DNAH8: variants seen among roughly 807,000 people sequenced by gnomAD.
DNAH8 encodes the protein axonemal beta dynein heavy chain 8.
Under a neutral mutation model 562.1 loss-of-function variants are expected in DNAH8, and 382 were observed. That is an observed-to-expected ratio of 0.68 (90% CI 0.63 to 0.74). The LOEUF is 0.74. DNAH8 is among the 30% of genes least tolerant of loss of function. The pLI, the probability that DNAH8 is intolerant of heterozygous loss-of-function variation, is 0.00. For synonymous variants in DNAH8, 1,881 were observed against 1,919.4 expected, an observed-to-expected ratio of 0.98 and a Z score of 0.52; for missense variants, 5,203 against 5,620.4, an observed-to-expected ratio of 0.93 and a Z score of 2.37.
chr6:38,766,135 T>TTGTGTGTGTGTGTGTGTGTG (rs774448668), intron 11 of DNAH8, among the ~76,000 whole-genome samples: 7,581 of 128,886 alleles, frequency 0.059, 273 homozygotes, highest in Admixed American at 0.14. Context: ...ATGTATGTGT[T>TTGTGTGTGTGTGTGTGTGTG]TGTATGTGTG....
rs765268910 is a variant in DNAH8, at chr6:38,853,326, C to T, written c.5712C>T (p.Phe1904=). Residue 1904 remains phenylalanine, a synonymous_variant, in exon 41 of 93, where the codon TTC becomes TTT. Coordinates refer to ENST00000327475, the MANE Select transcript of DNAH8 (RefSeq NM_001206927.2). ...ATTCAGGATTTCAACTCTTACCATTCCTCAGCCACTTTCCAGCACAGGTGA... is the reference window on the plus strand; with the variant it reads ...ATTCAGGATTTCAACTCTTACCATTTCTCAGCCACTTTCCAGCACAGGTGA... The part of the protein sequence containing the change: ...ISDSGFQLLP[F]LSHFPAQVGL... The T allele has an allele frequency of 6.8e-6, 11 of 1,613,236 alleles. No homozygotes were observed. Among genetic ancestry groups the T allele is most frequent in the Non-Finnish European group, 8.5e-6 (10 of 1,179,726 alleles).
intron 88 of DNAH8, among the ~76,000 whole-genome samples, chr6:39,008,282 G>A (rs946979193): frequency 6.6e-6 from 1 of 152,054 alleles, no homozygotes; most frequent in Non-Finnish European, 1.5e-5. Flanking sequence ...ATTTGAACAG[G>A]TGGAGCCGAT....
At chr6:38,961,013 A>G (rs1199113158) in intron 82 of DNAH8, among the ~76,000 whole-genome samples, 2 of 152,034 alleles carry the variant, frequency 1.3e-5, no homozygotes, top group African/African-American at 4.8e-5. Context: ...TAAAAAAAGA[A>G]TGGCATTATG....
chr6:38,932,217 C>CACACA (rs1554138852), intron 76 of DNAH8, among the ~76,000 whole-genome samples: 2 of 122,580 alleles, frequency 1.6e-5, no homozygotes, highest in Non-Finnish European at 3.4e-5. Context: ...CACACACACA[C>CACACA]CCGTCTCTTT....
At chr6:38,765,265 G>T (rs906085115) in intron 11 of DNAH8, among the ~76,000 whole-genome samples, 6 of 152,198 alleles carry the variant, frequency 3.9e-5, no homozygotes, top group African/African-American at 1.4e-4. Flanking sequence ...TCTAGAGGTT[G>T]TCTCTTCACT....
At chr6:38,782,687 A>G (rs764425112) in intron 16 of DNAH8, among the ~76,000 whole-genome samples, 2 of 152,210 alleles carry the variant, frequency 1.3e-5, no homozygotes, top group Non-Finnish European at 2.9e-5. Flanking sequence ...AGTCAATTAT[A>G]TCTTGTCCAG....
rs887681979 is a variant in DNAH8 at position 39,014,649 on chromosome 6, A to G, written c.13714+2012A>G. 5.9e-5 allele frequency among the ~76,000 whole-genome samples: 9 copies of G among 152,212 alleles called. No homozygotes were observed. In the South Asian group the frequency reaches 1.0e-3, roughly 18 times the overall value. On this transcript the variant is annotated intron_variant, in intron 91 of 92. Transcript: ENST00000327475. ...CTGCCAAGAGCTTCACACAGGAAGC[A>G]GTGAGTAGGGTTTGCAGAAGCAGGG...
intron 41 of DNAH8, 32 bp from the exon 42 acceptor site, chr6:38,857,486 C>A: frequency 6.7e-7 from 1 of 1,498,054 alleles, no homozygotes; most frequent in Non-Finnish European, 9.2e-7. Context: ...AAATATTTGG[C>A]AAATTTTAAT....
chr6:38,980,356 A>G (rs1763944366), intron 85 of DNAH8, among the ~76,000 whole-genome samples: 1 of 152,180 alleles, frequency 6.6e-6, no homozygotes, highest in African/African-American at 2.4e-5. Context: ...GAATGCTGGG[A>G]CTAGGAAGCA....
chr6:38,784,901 T>C (rs1768997435), intron 17 of DNAH8, among the ~76,000 whole-genome samples: 1 of 152,216 alleles, frequency 6.6e-6, no homozygotes, highest in Admixed American at 6.5e-5. Context: ...CCAGGCATGC[T>C]TGGGGGCTCT....
chr6:38,983,493 G>A (rs1764173455), intron 86 of DNAH8, among the ~76,000 whole-genome samples: 1 of 152,058 alleles, frequency 6.6e-6, no homozygotes, highest in Admixed American at 6.6e-5. Flanking sequence ...TATCATTTTG[G>A]TACATACAAA....
chr6:38,735,679 T>A (rs1346096154), intron 5 of DNAH8, among the ~76,000 whole-genome samples: 1 of 152,186 alleles, frequency 6.6e-6, no homozygotes, highest in African/African-American at 2.4e-5. Context: ...TGTGTGCATA[T>A]AAAGAGAGAA....
chr6:38,880,217 G>A (rs551642188), intron 53 of DNAH8, among the ~76,000 whole-genome samples: 13 of 152,006 alleles, frequency 8.6e-5, no homozygotes, highest in Admixed American at 2.6e-4. Flanking sequence ...ACTGCACTCC[G>A]GCCTGGGAGA....
intron 21 of DNAH8, among the ~76,000 whole-genome samples, chr6:38,800,392 C>G (rs1290029731): frequency 6.6e-6 from 1 of 151,028 alleles, no homozygotes; most frequent in African/African-American, 2.4e-5. Flanking sequence ...GCTCTACATC[C>G]ATGCCAACAC....
At chr6:38,903,558 C>G (rs966903002) in intron 62 of DNAH8, among the ~76,000 whole-genome samples, 1 of 151,908 alleles carries the variant, frequency 6.6e-6, no homozygotes, top group Non-Finnish European at 1.5e-5. Flanking sequence ...GGACAAACAT[C>G]CAAACTATAT....
chr6:38,895,056 G>A (rs1447335580), intron 59 of DNAH8, among the ~76,000 whole-genome samples, 192 bp downstream of exon 59: 1 of 152,008 alleles, frequency 6.6e-6, no homozygotes, highest in Non-Finnish European at 1.5e-5. Flanking sequence ...AGCCTCCCCC[G>A]TAGCTGGGAT....
At chr6:38,930,136 G>T (rs1782446125) in intron 75 of DNAH8, among the ~76,000 whole-genome samples, 1 of 152,112 alleles carries the variant, frequency 6.6e-6, no homozygotes, top group African/African-American at 2.4e-5. Context: ...TAAAGTCATT[G>T]ATTTAATAAA....
In DNAH8 at chr6:38,747,390, T is replaced by C. The variant is rs55801810; in HGVS notation, c.1294-3086T>C. Among the ~76,000 whole-genome samples, 38 of 91,182 alleles carry C rather than the reference T, an allele frequency of 4.2e-4. 1 individual carries two copies. Among genetic ancestry groups the C allele is most frequent in the East Asian group, 6.3e-4 (3 of 4,790 alleles). 59.8% of individuals were successfully genotyped at this position (91,182 alleles called of 152,430 possible). ...ATTTTCTTTTTTTCTTTTTCTTTTT[T>C]TTTTTTTTTTTTTTGAGGCAAAATC... On this transcript the variant is annotated intron_variant, in intron 8 of 92. Transcript: ENST00000327475.
intron 26 of DNAH8, among the ~76,000 whole-genome samples, chr6:38,819,783 T>C (rs1288838867): frequency 6.6e-6 from 1 of 152,136 alleles, no homozygotes; most frequent in Non-Finnish European, 1.5e-5. Flanking sequence ...AATGTTTATG[T>C]ATAAAAGATC....
Sources: allele counts gnomAD v4.1 joint callset (sites outside exome capture counted in the v4.1 genomes callset), GRCh38; gene constraint gnomAD v4.1.1; transcripts MANE v1.5; gene names NCBI Gene and HGNC (gene_info 2026-07-23, HGNC 2026-07-21).